The following DISC1 variants were observed in gnomAD, a reference collection of about 807,000 sequenced individuals.
The protein encoded by DISC1 is DISC1 scaffold protein.
A neutral mutation model predicts 84.5 loss-of-function variants in DISC1; 57 were observed. The ratio of observed to expected loss-of-function variants is 0.67; its 90% confidence interval spans 0.55 to 0.84. The LOEUF is 0.84. Among genes scored for constraint, DISC1 ranks in the 40% least tolerant of loss-of-function variants. The probability of loss-of-function intolerance (pLI) is 0.00; values close to 1 mark genes in which losing one functional copy is unlikely to be tolerated. For missense variants in DISC1, 1,000 were observed against 1,057.8 expected (o/e 0.95, Z 0.76); for synonymous variants, 411 against 415.2 (o/e 0.99, Z 0.12).
At chr1:231,716,022 C>G (rs762025843) in intron 3 of DISC1, among the ~76,000 whole-genome samples, 3 of 152,104 alleles carry the variant, frequency 2.0e-5, no homozygotes, top group Non-Finnish European at 2.9e-5. Flanking sequence ...TAATACCTAT[C>G]CTGCTGTGTG....
At chr1:231,832,787 A>G (rs201317108) in intron 9 of DISC1, among the ~76,000 whole-genome samples, 38,365 of 136,112 alleles carry the variant, frequency 0.28, 5,829 homozygotes, top group East Asian at 0.33. Context: ...AAACAATTTC[A>G]TTGATAAGGC....
At chr1:231,951,965 C>T (rs12561817) in intron 9 of DISC1, among the ~76,000 whole-genome samples, 26 of 151,386 alleles carry the variant, frequency 1.7e-4, no homozygotes, top group Non-Finnish European at 3.4e-4. Context: ...CTATTCAAGT[C>T]TCAGCTGTTC....
chr1:231,858,594 C>T (rs1439668870), intron 9 of DISC1, among the ~76,000 whole-genome samples: 1 of 152,218 alleles, frequency 6.6e-6, no homozygotes, highest in Non-Finnish European at 1.5e-5. Context: ...CTATTCCACA[C>T]ACTCGCTGGG....
chr1:231,760,984 A>T (rs35079707), intron 4 of DISC1, among the ~76,000 whole-genome samples: 2,869 of 152,326 alleles, frequency 0.019, 43 homozygotes, highest in Non-Finnish European at 0.024. Context: ...AAACAGTCAC[A>T]TGGTAAAAAT....
rs144199261 is a variant in DISC1, at chr1:231,753,233, C to T, written c.1268+3157C>T. Reference sequence around the variant, plus strand: ...CTAGTAGTGGTTCTCCATGAGGGGTCCTGCCCTGCAGCAGACTTCTGCCTA... The same window carrying T: ...CTAGTAGTGGTTCTCCATGAGGGGTTCTGCCCTGCAGCAGACTTCTGCCTA... On this transcript the variant is annotated intron_variant, in intron 4 of 12. Transcript: ENST00000439617. Among the ~76,000 whole-genome samples the T allele has an allele frequency of 6.9e-3, 1,044 of 152,344 alleles. 12 individuals are homozygous for T. Among genetic ancestry groups the T allele is most frequent in the African/African-American group, 0.023 (974 of 41,574 alleles).
At position 231,954,943 on chromosome 1, in the gene DISC1, A is replaced by C. The variant is rs547946171; in HGVS notation, c.1982-3885A>C. Among the ~76,000 whole-genome samples, 1 of 152,334 alleles carries C rather than the reference A, an allele frequency of 6.6e-6. No homozygotes were observed. The highest frequency in any genetic ancestry group is 2.1e-4 in the South Asian group (1 of 4,828). ...CTCCTTAGATGGCAGCCTCCAGGCA[A>C]GAAGAAAAGCCCATGGCTTTGCCTG... On this transcript the variant is annotated intron_variant, in intron 9 of 12. Coordinates refer to ENST00000439617, the MANE Select transcript of DISC1 (RefSeq NM_018662.3). The surrounding 1 kb of genome is among the most constrained non-coding windows in gnomAD (Gnocchi z 4.8).
intron 9 of DISC1, among the ~76,000 whole-genome samples, chr1:231,885,110 A>C (rs1331940928): frequency 6.6e-6 from 1 of 152,238 alleles, no homozygotes; most frequent in East Asian, 1.9e-4. Context: ...GTTTGACACC[A>C]GCTGGTCATA....
intron 9 of DISC1, among the ~76,000 whole-genome samples, chr1:231,927,384 A>G (rs1045910872): frequency 9.2e-5 from 14 of 152,158 alleles, no homozygotes; most frequent in African/African-American, 2.7e-4. Context: ...TCAACTTCCC[A>G]AGACCTCATT....
chr1:231,983,990 G>C (rs1408979767), intron 10 of DISC1, among the ~76,000 whole-genome samples: 1 of 152,198 alleles, frequency 6.6e-6, no homozygotes, highest in Admixed American at 6.5e-5. Context: ...AACTGAGGCT[G>C]AGGGAGGTTA....
chr1:231,803,017 TA>T (rs796498062), intron 8 of DISC1, among the ~76,000 whole-genome samples: 1 of 152,166 alleles, frequency 6.6e-6, no homozygotes, highest in Non-Finnish European at 1.5e-5. Context: ...TGCTGCCTAA[TA>T]AAAAATAAGT....
intron 1 of DISC1, among the ~76,000 whole-genome samples, chr1:231,690,641 G>T (rs1232463389): frequency 6.6e-6 from 1 of 152,204 alleles, no homozygotes; most frequent in Non-Finnish European, 1.5e-5. Context: ...GGTCACAGGG[G>T]ATGTCATAAG....
At position 231,675,109 on chromosome 1, in the gene DISC1, G is replaced by A. The variant is rs979029114; in HGVS notation, c.68-18717G>A. ...GTAAAAAGAAAATATCTCTTTAAAA[G>A]ATGTTATTGATAATGAAAAGCTGAG... is the stretch of plus-strand genomic sequence containing the variant. On this transcript the variant is annotated intron_variant, in intron 1 of 12. Transcript: ENST00000439617. The surrounding 1 kb of genome is among the most constrained non-coding windows in gnomAD (Gnocchi z 4.1). 6.6e-6 allele frequency among the ~76,000 whole-genome samples: 1 copy of A among 152,176 alleles called. No individual in the cohort carries two copies. The highest frequency in any genetic ancestry group is 2.4e-5 in the African/African-American group (1 of 41,444).
At chr1:232,028,540 G>A (rs563119987) in intron 12 of DISC1, among the ~76,000 whole-genome samples, 2 of 152,076 alleles carry the variant, frequency 1.3e-5, no homozygotes, top group Non-Finnish European at 2.9e-5. Flanking sequence ...TAATAGCAGC[G>A]GGATCATGGA....
At position 231,698,800 on chromosome 1, in the gene DISC1, T is replaced by A. The variant is rs114972694; in HGVS notation, c.1048-3155T>A. Among the ~76,000 whole-genome samples the A allele has an allele frequency of 6.8e-3, 1,032 of 152,334 alleles. 7 individuals carry two copies. Among genetic ancestry groups the A allele is most frequent in the Non-Finnish European group, 0.011 (746 of 68,022 alleles). On this transcript the variant is annotated intron_variant, in intron 2 of 12. Coordinates refer to ENST00000439617, the MANE Select transcript of DISC1 (RefSeq NM_018662.3). This position sits in a 1 kb window ranked among gnomAD's most constrained non-coding sequence, Gnocchi z 4.9. ...GGCCCTCAAACCATTCACACAGCCT[T>A]TCTTCTGTCCCTAATATATAGGACT...
chr1:231,684,587 G>A (rs200960919), intron 1 of DISC1, among the ~76,000 whole-genome samples: 1 of 152,020 alleles, frequency 6.6e-6, no homozygotes, highest in Non-Finnish European at 1.5e-5. Flanking sequence ...TGCACATCAC[G>A]TCCTGTTCCC....
chr1:231,702,339 C>T, intron 3 of DISC1: 5 of 1,053,150 alleles, frequency 4.7e-6, no homozygotes, highest in Non-Finnish European at 5.7e-6. Context: ...TCCACTTGTT[C>T]ATAAAAAATA....
chr1:231,666,893 T>G (rs767372031), intron 1 of DISC1, among the ~76,000 whole-genome samples: 3 of 152,186 alleles, frequency 2.0e-5, no homozygotes. Flanking sequence ...GAGGGCCTTG[T>G]TCTTTCCCTT....
At chr1:231,992,462 A>ATTTTGAC (rs1222610199) in intron 10 of DISC1, among the ~76,000 whole-genome samples, 1 of 152,134 alleles carries the variant, frequency 6.6e-6, no homozygotes, top group East Asian at 1.9e-4. Flanking sequence ...TGTCATTTGT[A>ATTTTGAC]TTTTGACTTT....
At chr1:231,871,854 G>A (rs976598851) in intron 9 of DISC1, among the ~76,000 whole-genome samples, 3 of 152,174 alleles carry the variant, frequency 2.0e-5, no homozygotes, top group African/African-American at 7.2e-5. Flanking sequence ...GCCAGATCCT[G>A]CATGTGACAT....
Sources: allele counts gnomAD v4.1 joint callset (sites outside exome capture counted in the v4.1 genomes callset), GRCh38; gene constraint gnomAD v4.1.1; non-coding constraint Gnocchi (gnomAD v3.1); transcripts MANE v1.5; gene names NCBI Gene and HGNC (gene_info 2026-07-23, HGNC 2026-07-21).